MACF1: variants seen among roughly 807,000 people sequenced by gnomAD.
The protein encoded by MACF1 is microtubule-actin cross-linking factor 1.
Under a neutral mutation model 854.8 loss-of-function variants are expected in MACF1, and 193 were observed. That is an observed-to-expected ratio of 0.23 (90% CI 0.20 to 0.25). The LOEUF is 0.25. Among genes scored for constraint, MACF1 ranks in the 10% least tolerant of loss-of-function variants. The pLI is 1.00. For missense variants in MACF1, 7,722 were observed against 8,929.1 expected, an observed-to-expected ratio of 0.86 and a Z score of 5.45; for synonymous variants, 3,185 against 3,226.7, an observed-to-expected ratio of 0.99 and a Z score of 0.44.
At chr1:39,095,561 CAAAAA>C (rs34021324) in intron 2 of MACF1, among the ~76,000 whole-genome samples, 2 of 55,846 alleles carry the variant, frequency 3.6e-5, no homozygotes, top group African/African-American at 8.1e-5. Context: ...GACTCTGTCT[CAAAAA>C]AAAAAAAAAA....
rs181731682 is a variant in MACF1 at position 39,460,580 on chromosome 1, C to G, written c.21361-52C>G. ...GAAAGTTTGGGTATGCTCTGGGCAG[C>G]TTTTGAGGGCCCAAAAAATAAATCT... is the stretch of plus-strand genomic sequence containing the variant. On this transcript the variant is annotated intron_variant, in intron 91 of 100. Transcript: ENST00000564288. This position sits in a 1 kb window ranked among gnomAD's most constrained non-coding sequence, Gnocchi z 4.1. 282 of 1,574,088 alleles carry G rather than the reference C, an allele frequency of 1.8e-4. No homozygotes were observed. The highest frequency in any genetic ancestry group is 2.0e-4 in the Non-Finnish European group (232 of 1,145,540).
chr1:39,176,580 G>A (rs1434492842), intron 2 of MACF1, among the ~76,000 whole-genome samples: 1 of 151,874 alleles, frequency 6.6e-6, no homozygotes, highest in African/African-American at 2.4e-5. Context: ...TCATTTTTCT[G>A]TAGAAAATTT....
chr1:39,129,182 C>T (rs148812439), intron 2 of MACF1, among the ~76,000 whole-genome samples: 29 of 152,182 alleles, frequency 1.9e-4, no homozygotes, highest in African/African-American at 7.0e-4. Context: ...GGGGTGTGTG[C>T]CTGAGAGAAC....
intron 14 of MACF1, among the ~76,000 whole-genome samples, chr1:39,286,655 C>T (rs774441409): frequency 3.3e-5 from 5 of 151,534 alleles, no homozygotes; most frequent in Non-Finnish European, 5.9e-5. Context: ...TTAGTAGAGA[C>T]GGGGTTTCAC....
intron 24 of MACF1, 111 bp downstream of exon 24, chr1:39,309,807 C>A: frequency 3.5e-6 from 4 of 1,142,012 alleles, no homozygotes; most frequent in Non-Finnish European, 2.5e-6. Context: ...GTAAAGTGGA[C>A]TCAGGAATAC....
chr1:39,359,338 T>C (rs1198581363), intron 47 of MACF1, 74 bp downstream of exon 47: 1 of 1,526,502 alleles, frequency 6.6e-7, no homozygotes, highest in African/African-American at 1.4e-5. Context: ...TATGTCACAT[T>C]GTGTTGTGCA....
intron 2 of MACF1, among the ~76,000 whole-genome samples, chr1:39,151,446 C>T (rs1261114342): frequency 2.0e-5 from 3 of 152,142 alleles, no homozygotes; most frequent in Non-Finnish European, 4.4e-5. Context: ...TTTCCATTGT[C>T]TTTGGGGTGA....
chr1:39,300,279 G>A lies in MACF1; in HGVS notation c.2551G>A (p.Val851Ile), dbSNP rs369570247. 4.0e-5 allele frequency: 65 copies of A among 1,613,726 alleles called. No homozygotes were observed. The highest frequency in any genetic ancestry group is 5.0e-5 in the Admixed American group (3 of 59,968). ...TCTCGTTGGGAGATCAAAAACCATCGTTCAGCTAAAACCACGCAGTCCAGA... is the reference window on the plus strand; with the variant it reads ...TCTCGTTGGGAGATCAAAAACCATCATTCAGCTAAAACCACGCAGTCCAGA... ...ASLVGRSKTI[V>I]QLKPRSPDHV... The change falls in exon 22 of 101, where the codon GTT becomes ATT. Residue 851 changes from valine to isoleucine, a missense_variant. Coordinates refer to ENST00000564288, the MANE Select transcript of MACF1 (RefSeq NM_001394062.1).
rs373747657 is a variant in MACF1, at chr1:39,308,630, A to G, written c.2790-940A>G. Among the ~76,000 whole-genome samples, 16 of 151,896 alleles carry G rather than the reference A, an allele frequency of 1.1e-4. No individual in the cohort carries two copies. The East Asian group carries it at 2.9e-3, about 28-fold the overall frequency. On this transcript the variant is annotated intron_variant, in intron 23 of 100. Transcript: ENST00000564288. ...TAGACATGAGATGCTTGGGAAAGAA[A>G]TCTCAAACCCTTCATACTTCAGTTT...
chr1:39,337,137 C>T, intron 37 of MACF1, 45 bp from the exon 38 acceptor site: 2 of 1,567,064 alleles, frequency 1.3e-6, no homozygotes, highest in Non-Finnish European at 1.7e-6. Context: ...AGCTGACTTA[C>T]AGGAGAACGT....
intron 2 of MACF1, among the ~76,000 whole-genome samples, chr1:39,233,602 A>C (rs1313100184): frequency 6.6e-6 from 1 of 151,946 alleles, no homozygotes; most frequent in Non-Finnish European, 1.5e-5. Flanking sequence ...CATAAATCAC[A>C]CATGTCTTCT....
intron 58 of MACF1, among the ~76,000 whole-genome samples, chr1:39,396,675 G>A (rs927756212): frequency 5.3e-5 from 8 of 152,198 alleles, no homozygotes; most frequent in African/African-American, 1.7e-4. Context: ...TTTCAAGCTC[G>A]CTAATAAGCT....
chr1:39,203,616 C>T (rs895772031), upstream of MACF1, among the ~76,000 whole-genome samples: 4 of 152,258 alleles, frequency 2.6e-5, no homozygotes, highest in African/African-American at 7.2e-5. Context: ...AGTCAATTTC[C>T]TTCCCTCATT....
intron 2 of MACF1, among the ~76,000 whole-genome samples, chr1:39,137,865 C>A (rs1019912947): frequency 6.6e-6 from 1 of 151,254 alleles, no homozygotes; most frequent in Non-Finnish European, 1.5e-5. Flanking sequence ...CCTGAGGTCG[C>A]GAGTTTGAGA....
Position 39,429,784 on chromosome 1 carries a change from C to T in MACF1, c.16889-43C>T, listed in dbSNP as rs373980047. 1.9e-6 allele frequency: 3 copies of T among 1,598,094 alleles called. No individual in the cohort carries two copies. The Admixed American group carries it at 5.0e-5, about 27-fold the overall frequency. Reference sequence around the variant, plus strand: ...AAAGGGGATCAGAGACTCCTCATTCCTAGGTCTCTTAAATATGAGTAATTG... The same window carrying T: ...AAAGGGGATCAGAGACTCCTCATTCTTAGGTCTCTTAAATATGAGTAATTG... On this transcript the variant is annotated intron_variant, in intron 64 of 100. Transcript: ENST00000564288.
At chr1:39,101,929 C>T (rs1352168616) in intron 2 of MACF1, among the ~76,000 whole-genome samples, 1 of 151,724 alleles carries the variant, frequency 6.6e-6, no homozygotes, top group Non-Finnish European at 1.5e-5. Context: ...GTAATCCCAG[C>T]ACTTTGGAAG....
At chr1:39,374,196 T>A (rs893338216) in intron 52 of MACF1, among the ~76,000 whole-genome samples, 1 of 151,642 alleles carries the variant, frequency 6.6e-6, no homozygotes, top group Non-Finnish European at 1.5e-5. Flanking sequence ...GAGCCAAGAT[T>A]GCGCCACTGC....
intron 97 of MACF1, among the ~76,000 whole-genome samples, chr1:39,476,441 C>T (rs955394331): frequency 2.0e-5 from 3 of 152,000 alleles, no homozygotes; most frequent in South Asian, 2.1e-4. Context: ...GTGGTGGCCA[C>T]GCGCCTGCAG....
At chr1:39,400,206 A>G (rs1642422664) in intron 58 of MACF1, among the ~76,000 whole-genome samples, 1 of 152,360 alleles carries the variant, frequency 6.6e-6, no homozygotes, top group East Asian at 1.9e-4. Context: ...ACTGAATACA[A>G]GTTCTAGTCA....
Sources: gnomAD v4.1 joint callset for allele counts (sites outside exome capture counted in the v4.1 genomes callset) on GRCh38, gnomAD v4.1.1 for gene constraint, Gnocchi (gnomAD v3.1) non-coding constraint, MANE v1.5 for transcripts, NCBI Gene and HGNC (gene_info 2026-07-23, HGNC 2026-07-21) for gene names.